The following RCAN2 variants were observed in gnomAD, a reference collection of about 807,000 sequenced individuals.
RCAN2 encodes regulator of calcineurin 2, also known as calcipressin-2.
In RCAN2, 9 loss-of-function variants were observed where a neutral mutation model predicts 23.6. That is an observed-to-expected ratio of 0.38 (90% CI 0.23 to 0.67). The LOEUF (loss-of-function observed/expected upper bound fraction) is 0.67, where lower values mean the gene tolerates loss of function less well. Ranked by LOEUF, RCAN2 falls within the 30% of genes least tolerant of loss-of-function variation. The probability of loss-of-function intolerance (pLI) is 0.51; values close to 1 mark genes in which losing one functional copy is unlikely to be tolerated. For synonymous variants in RCAN2, 109 were observed against 115.7 expected (o/e 0.94, Z 0.37); for missense variants, 273 against 302.3 (o/e 0.90, Z 0.72).
chr6:46,374,463 A>T (rs1347959513), intron 2 of RCAN2, among the ~76,000 whole-genome samples: 1 of 152,206 alleles, frequency 6.6e-6, no homozygotes, highest in Non-Finnish European at 1.5e-5. Context: ...TCTTCCACAG[A>T]ACGTAGTATA....
chr6:46,352,673 T>C (rs1329548464), intron 2 of RCAN2, among the ~76,000 whole-genome samples: 1 of 152,110 alleles, frequency 6.6e-6, no homozygotes, highest in Non-Finnish European at 1.5e-5. Context: ...ATGGAACTCA[T>C]CTAAGTAAAA....
chr6:46,227,395 G>C (rs1476363090), intron 4 of RCAN2, among the ~76,000 whole-genome samples: 1 of 152,142 alleles, frequency 6.6e-6, no homozygotes, highest in Non-Finnish European at 1.5e-5. Flanking sequence ...GTAGAATTTG[G>C]CTGTGAATAC....
intron 2 of RCAN2, among the ~76,000 whole-genome samples, chr6:46,317,464 T>A (rs1763475538): frequency 6.6e-6 from 1 of 152,144 alleles, no homozygotes; most frequent in African/African-American, 2.4e-5. Context: ...TATTCATTTA[T>A]TTATTTTTAT....
At chr6:46,279,428 C>A (rs1195287348) in intron 2 of RCAN2, among the ~76,000 whole-genome samples, 1 of 152,198 alleles carries the variant, frequency 6.6e-6, no homozygotes, top group Non-Finnish European at 1.5e-5. Flanking sequence ...TTACAGTGAA[C>A]TGTCCTGTGC....
Position 46,222,184 on chromosome 6 carries a change from A to T in RCAN2, c.*957T>A. The T allele has an allele frequency of 2.6e-6, 1 of 392,018 alleles. No homozygotes were observed. Among genetic ancestry groups the T allele is most frequent in the Non-Finnish European group, 4.5e-6 (1 of 222,054 alleles). 24.3% of individuals were successfully genotyped at this position (392,018 alleles called of 1,614,324 possible). The stretch of plus-strand genomic sequence containing the variant: ...TATTAGAGTGTAATATTATCAGAGT[A>T]TCTGTATTAGTATATGAAGGCATTC... On this transcript the variant is annotated 3_prime_UTR_variant, in exon 5 of 5. Coordinates refer to ENST00000371374, the MANE Select transcript of RCAN2 (RefSeq NM_001251974.2).
chr6:46,233,091 A>C (rs1049571762), intron 4 of RCAN2, among the ~76,000 whole-genome samples: 1 of 152,160 alleles, frequency 6.6e-6, no homozygotes, highest in Non-Finnish European at 1.5e-5. Context: ...GCATAAAGGA[A>C]AGGAGGTAAG....
chr6:46,331,654 T>C (rs569767931), intron 2 of RCAN2, among the ~76,000 whole-genome samples: 1 of 152,366 alleles, frequency 6.6e-6, no homozygotes, highest in Admixed American at 6.5e-5. Flanking sequence ...TTCCACTTGG[T>C]AAATATTTCA....
intron 2 of RCAN2, among the ~76,000 whole-genome samples, chr6:46,431,416 A>G (rs1373637095): frequency 6.6e-6 from 1 of 152,164 alleles, no homozygotes; most frequent in Non-Finnish European, 1.5e-5. Flanking sequence ...GAAAAAAATA[A>G]CATGGCAAGG....
chr6:46,407,074 G>A (rs1188179670), intron 2 of RCAN2, among the ~76,000 whole-genome samples: 1 of 152,226 alleles, frequency 6.6e-6, no homozygotes, highest in African/African-American at 2.4e-5. Flanking sequence ...CTGTGCCCCA[G>A]TGCCTGGAAG....
intron 1 of RCAN2, 135 bp downstream of exon 1, chr6:46,491,037 GC>G (rs1769128790): frequency 7.2e-6 from 1 of 138,346 alleles, no homozygotes; most frequent in African/African-American, 2.6e-5. Context: ...CCCCGCCCCC[GC>G]CCCCGCCCTG....
chr6:46,422,468 A>G (rs1766911632), intron 2 of RCAN2, among the ~76,000 whole-genome samples: 1 of 152,196 alleles, frequency 6.6e-6, no homozygotes, highest in South Asian at 2.1e-4. Context: ...TAGAGAAGAA[A>G]GAGAAGCTAG....
intron 3 of RCAN2, among the ~76,000 whole-genome samples, chr6:46,247,137 G>T (rs1177487890): frequency 6.6e-6 from 1 of 152,076 alleles, no homozygotes; most frequent in Non-Finnish European, 1.5e-5. Context: ...AGAATCACCT[G>T]CAGTCCTTAC....
intron 2 of RCAN2, among the ~76,000 whole-genome samples, chr6:46,314,064 G>T (rs1419686444): frequency 6.6e-6 from 1 of 151,842 alleles, no homozygotes; most frequent in African/African-American, 2.4e-5. Flanking sequence ...ACTATTATGG[G>T]TACACCATAC....
intron 1 of RCAN2, among the ~76,000 whole-genome samples, chr6:46,464,366 T>C (rs1768311565): frequency 6.6e-6 from 1 of 152,150 alleles, no homozygotes; most frequent in Non-Finnish European, 1.5e-5. Flanking sequence ...ATAATAAGAA[T>C]AATAAATTTA....
At chr6:46,360,336 T>A (rs1764967979) in intron 2 of RCAN2, among the ~76,000 whole-genome samples, 1 of 151,722 alleles carries the variant, frequency 6.6e-6, no homozygotes, top group Non-Finnish European at 1.5e-5. Context: ...GTGGAGACCA[T>A]GCTGGCTAAC....
At chr6:46,261,054 T>C (rs1767093695) in intron 2 of RCAN2, among the ~76,000 whole-genome samples, 1 of 152,126 alleles carries the variant, frequency 6.6e-6, no homozygotes, top group African/African-American at 2.4e-5. Flanking sequence ...GCTTCAACCT[T>C]CTCTGGCCCA....
intron 2 of RCAN2, among the ~76,000 whole-genome samples, chr6:46,434,483 T>C (rs1441951239): frequency 2.0e-5 from 3 of 152,226 alleles, no homozygotes; most frequent in Admixed American, 1.3e-4. Context: ...GGAGCCTCCA[T>C]GTCACTAAGC....
At chr6:46,440,115 G>C (rs555482692) in intron 2 of RCAN2, among the ~76,000 whole-genome samples, 41 of 152,296 alleles carry the variant, frequency 2.7e-4, no homozygotes, top group African/African-American at 8.9e-4. Flanking sequence ...AGCCTTCAGA[G>C]TTCAAAATCA....
chr6:46,390,925 T>A (rs1414210302), intron 2 of RCAN2, among the ~76,000 whole-genome samples: 1 of 152,132 alleles, frequency 6.6e-6, no homozygotes, highest in Non-Finnish European at 1.5e-5. Context: ...TACTTGGGTA[T>A]CACAGCAGCC....
Sources: allele counts gnomAD v4.1 joint callset (sites outside exome capture counted in the v4.1 genomes callset), GRCh38; gene constraint gnomAD v4.1.1; transcripts MANE v1.5; gene names NCBI Gene and HGNC (gene_info 2026-07-23, HGNC 2026-07-21).